PTPRK: variants seen among roughly 807,000 people sequenced by gnomAD.
PTPRK encodes the protein protein tyrosine phosphatase receptor type K, also known as receptor-type tyrosine-protein phosphatase kappa.
PTPRK carries 75 observed loss-of-function variants against 178.0 expected under a neutral mutation model. The observed-to-expected ratio is 0.42, with a 90% CI of 0.35 to 0.51. The LOEUF is 0.51. PTPRK is among the 20% of genes least tolerant of loss of function. The probability of loss-of-function intolerance (pLI) is 0.02; values close to 1 mark genes in which losing one functional copy is unlikely to be tolerated. For synonymous variants in PTPRK, 637 were observed against 620.6 expected (o/e 1.03, Z -0.39); for missense variants, 1,441 against 1,797.8 (o/e 0.80, Z 3.59).
Position 128,189,664 on chromosome 6 carries a change from T to A in PTPRK, c.869-4939A>T, listed in dbSNP as rs528181731. On this transcript the variant is annotated intron_variant, in intron 6 of 29. Coordinates refer to ENST00000368226, the MANE Select transcript of PTPRK (RefSeq NM_002844.4). ...GAATGTTTGCCCTGCAGATGGAATTTTTTTTATTTGTTACCATTTCTTTAC... is the reference window on the plus strand; with the variant it reads ...GAATGTTTGCCCTGCAGATGGAATTATTTTTATTTGTTACCATTTCTTTAC... Among the ~76,000 whole-genome samples, 2 of 152,316 alleles carry A rather than the reference T, an allele frequency of 1.3e-5. 1 individual carries two copies. Among genetic ancestry groups the A allele is most frequent in the Admixed American group, 1.3e-4 (2 of 15,294 alleles).
chr6:128,488,319 A>G (rs1853265900), intron 1 of PTPRK, among the ~76,000 whole-genome samples: 1 of 152,208 alleles, frequency 6.6e-6, no homozygotes, highest in African/African-American at 2.4e-5. Flanking sequence ...GGTGGTGTCC[A>G]CCCAGACATA....
intron 7 of PTPRK, among the ~76,000 whole-genome samples, chr6:128,108,930 C>T (rs1013859283): frequency 2.0e-5 from 3 of 152,098 alleles, no homozygotes; most frequent in African/African-American, 7.2e-5. Flanking sequence ...GGTGTTGCAT[C>T]CTTATACTAC....
intron 6 of PTPRK, among the ~76,000 whole-genome samples, chr6:128,216,536 G>A (rs141329494): frequency 0.024 from 2,514 of 102,672 alleles, 29 homozygotes; most frequent in African/African-American, 0.062. Flanking sequence ...TTCTGTCTCA[G>A]AAAAATAAAA....
intron 13 of PTPRK, among the ~76,000 whole-genome samples, chr6:128,010,618 G>T (rs1033743672): frequency 6.6e-6 from 1 of 151,142 alleles, no homozygotes; most frequent in African/African-American, 2.4e-5. Context: ...AAATCTGAAA[G>T]AATAAATATA....
intron 1 of PTPRK, among the ~76,000 whole-genome samples, chr6:128,478,715 C>T (rs1191712546): frequency 6.6e-6 from 1 of 151,946 alleles, no homozygotes; most frequent in African/African-American, 2.4e-5. Context: ...TTCACTTGCC[C>T]ATATCAGAGA....
intron 2 of PTPRK, among the ~76,000 whole-genome samples, chr6:128,382,343 C>T (rs982458407): frequency 2.0e-5 from 3 of 150,572 alleles, no homozygotes; most frequent in Non-Finnish European, 4.4e-5. Context: ...TATATGTAAT[C>T]ATGTGTCCAT....
intron 13 of PTPRK, among the ~76,000 whole-genome samples, chr6:128,055,747 G>A (rs1329058394): frequency 1.3e-5 from 2 of 152,000 alleles, no homozygotes; most frequent in East Asian, 1.9e-4. Context: ...CTATAAGTGT[G>A]TGCCACCATG....
rs1777482358 is a variant in PTPRK at position 127,998,881 on chromosome 6, C to G, written c.2518G>C (p.Glu840Gln). 1.9e-6 allele frequency: 3 copies of G among 1,566,828 alleles called. No individual in the cohort carries two copies. The African/African-American group carries it at 4.1e-5, about 21-fold the overall frequency. Residue 840 changes from glutamate to glutamine, a missense_variant, in exon 16 of 30, where the codon GAG becomes CAG. Glu to Gln is a conservative substitution (Grantham distance 29). This residue lies in a region of PTPRK where 945 missense variants were observed against 1,080.6 expected (regional missense o/e 0.87). Coordinates refer to ENST00000368226, the MANE Select transcript of PTPRK (RefSeq NM_002844.4). Reference protein sequence around the residue: ...PRYENHSATAESSRLLDVPRY... With the variant: ...PRYENHSATAQSSRLLDVPRY... ...GGTACGTCTAGAAGGCGACTGGACT[C>G]TGCTGTAGCACTGTGGTTCTCATCT...
Position 128,242,536 on chromosome 6 carries a change from G to A in PTPRK, c.562C>T (p.Leu188=). 6.2e-7 allele frequency: 1 copy of A among 1,612,824 alleles called. No individual in the cohort carries two copies. The highest frequency in any genetic ancestry group is 1.1e-5 in the South Asian group (1 of 90,930). The part of the protein sequence containing the change: ...GYIAIDDIQV[L]SYPCDKSPHF... ...CACAACCTACCACAAGGATAACTCA[G>A]TACTTGGATGTCATCAATGGCAATA... Residue 188 remains leucine, a synonymous_variant, in exon 4 of 30, where the codon CTG becomes TTG. Coordinates refer to ENST00000368226, the MANE Select transcript of PTPRK (RefSeq NM_002844.4).
chr6:128,210,640 T>G (rs1404784516), intron 6 of PTPRK, among the ~76,000 whole-genome samples: 1 of 151,872 alleles, frequency 6.6e-6, no homozygotes, highest in Non-Finnish European at 1.5e-5. Context: ...AAGAACAAAT[T>G]TGGAGTGGCA....
In PTPRK at chr6:128,148,409, A is replaced by G. The variant is rs550663517; in HGVS notation, c.1162+36023T>C. ...TATGCAAAGCATTATGAAATTCCAG[A>G]TAGTAATAATAATAATATATACTTC... On this transcript the variant is annotated intron_variant, in intron 7 of 29. Transcript: ENST00000368226. 2.0e-4 allele frequency among the ~76,000 whole-genome samples: 31 copies of G among 152,272 alleles called. No individual in the cohort carries two copies. In the South Asian group the frequency reaches 6.4e-3, roughly 32 times the overall value.
At chr6:128,220,931 C>T (rs1258698721) in intron 5 of PTPRK, among the ~76,000 whole-genome samples, 1 of 152,098 alleles carries the variant, frequency 6.6e-6, no homozygotes, top group Admixed American at 6.5e-5. Context: ...GTAAATACTC[C>T]ACTATAGCAA....
intron 11 of PTPRK, among the ~76,000 whole-genome samples, chr6:128,070,060 G>T (rs1356730658): frequency 1.3e-5 from 2 of 151,850 alleles, no homozygotes. Context: ...GTTTCATAAA[G>T]AATTAAGAAA....
At chr6:128,013,714 CAATT>C (rs1466740947) in intron 13 of PTPRK, among the ~76,000 whole-genome samples, 3 of 151,512 alleles carry the variant, frequency 2.0e-5, no homozygotes, top group African/African-American at 7.3e-5. Context: ...CTTTCTCACA[CAATT>C]AGTTACAAAA....
chr6:128,146,921 A>G (rs763204549), intron 7 of PTPRK, among the ~76,000 whole-genome samples: 1 of 152,180 alleles, frequency 6.6e-6, no homozygotes, highest in African/African-American at 2.4e-5. Context: ...TGTAAGTATC[A>G]TATAATTGCT....
chr6:128,220,267 GA>G (rs1477129908), intron 5 of PTPRK, among the ~76,000 whole-genome samples: 4 of 152,042 alleles, frequency 2.6e-5, no homozygotes, highest in Admixed American at 6.5e-5. Flanking sequence ...TATGCAATTA[GA>G]AAAAAAGATA....
intron 7 of PTPRK, among the ~76,000 whole-genome samples, chr6:128,179,704 G>A (rs566914416): frequency 1.9e-4 from 29 of 151,974 alleles, no homozygotes; most frequent in South Asian, 4.2e-4. Flanking sequence ...GAGTGTTAGC[G>A]GTTACTAGTC....
intron 5 of PTPRK, among the ~76,000 whole-genome samples, chr6:128,219,851 G>A (rs1294909974): frequency 2.6e-5 from 4 of 152,194 alleles, no homozygotes; most frequent in Admixed American, 6.5e-5. Flanking sequence ...CAAATGTGTA[G>A]CATGTGCTGG....
At chr6:128,431,629 T>A (rs940782075) in intron 1 of PTPRK, among the ~76,000 whole-genome samples, 1 of 152,232 alleles carries the variant, frequency 6.6e-6, no homozygotes, top group African/African-American at 2.4e-5. Context: ...GACATGGTCA[T>A]GTTAAACTAT....
Sources: allele counts gnomAD v4.1 joint callset (sites outside exome capture counted in the v4.1 genomes callset), GRCh38; gene constraint gnomAD v4.1.1; regional missense constraint gnomAD v4.1.1; transcripts MANE v1.5; gene names NCBI Gene and HGNC (gene_info 2026-07-23, HGNC 2026-07-21).